The following ULK4 variants were observed in gnomAD, a reference collection of about 807,000 sequenced individuals.
ULK4 encodes the protein inactive serine/threonine-protein kinase ULK4.
Under a neutral mutation model 160.6 loss-of-function variants are expected in ULK4, and 133 were observed. That is an observed-to-expected ratio of 0.83 (90% CI 0.72 to 0.96). ULK4 has a LOEUF of 0.96. Ranked by LOEUF, ULK4 falls within the 40% of genes least tolerant of loss-of-function variation. The pLI is 0.00. For synonymous variants in ULK4, 534 were observed against 539.8 expected (o/e 0.99, Z 0.15); for missense variants, 1,580 against 1,499.5 (o/e 1.05, Z -0.89).
intron 30 of ULK4, among the ~76,000 whole-genome samples, chr3:41,616,015 T>C (rs372065027): frequency 6.6e-6 from 1 of 152,302 alleles, no homozygotes; most frequent in African/African-American, 2.4e-5. Context: ...ACTATCAAAA[T>C]AGGTAATATC....
chr3:41,624,812 C>T (rs1231487588), intron 30 of ULK4, among the ~76,000 whole-genome samples: 2 of 152,064 alleles, frequency 1.3e-5, no homozygotes, highest in Admixed American at 1.3e-4. Flanking sequence ...ACATATGCTG[C>T]GTTTTTTTCT....
chr3:41,712,964 T>TGAG (rs1210359397), intron 25 of ULK4, among the ~76,000 whole-genome samples: 1 of 151,768 alleles, frequency 6.6e-6, no homozygotes, highest in East Asian at 1.9e-4. Context: ...ATGAATGGAC[T>TGAG]ACTTCCCTAT....
At chr3:41,502,778 G>A (rs987010494) in intron 32 of ULK4, among the ~76,000 whole-genome samples, 1 of 152,150 alleles carries the variant, frequency 6.6e-6, no homozygotes, top group African/African-American at 2.4e-5. Flanking sequence ...GTGGTTCCCA[G>A]GAAGTGGGAG....
intron 34 of ULK4, among the ~76,000 whole-genome samples, chr3:41,445,206 G>A (rs1196661983): frequency 7.9e-5 from 12 of 152,098 alleles, no homozygotes; most frequent in African/African-American, 2.2e-4. Flanking sequence ...ACAAACCACT[G>A]CTCAAGGAAA....
chr3:41,380,937 C>T (rs1342543259), intron 35 of ULK4, among the ~76,000 whole-genome samples: 6 of 152,054 alleles, frequency 3.9e-5, no homozygotes, highest in African/African-American at 1.4e-4. Flanking sequence ...TGTCTCATGC[C>T]CCTGAGCTGC....
intron 30 of ULK4, among the ~76,000 whole-genome samples, chr3:41,640,033 G>A (rs1575512639): frequency 1.3e-5 from 2 of 152,186 alleles, no homozygotes; most frequent in East Asian, 3.9e-4. Context: ...GGATATCAAT[G>A]ATTGGATGGC....
At chr3:41,464,953 T>C (rs776945667) in intron 32 of ULK4, among the ~76,000 whole-genome samples, 66 of 152,192 alleles carry the variant, frequency 4.3e-4, no homozygotes, top group Non-Finnish European at 3.1e-4. Context: ...AAATCCCTGC[T>C]GGGACAGAAA....
intron 34 of ULK4, among the ~76,000 whole-genome samples, chr3:41,413,592 T>C (rs531594574): frequency 9.2e-5 from 14 of 152,324 alleles, no homozygotes; most frequent in Non-Finnish European, 1.2e-4. Context: ...AAAAAAGTAT[T>C]CTTTCAAACC....
At chr3:41,650,674 G>A (rs1265356811) in intron 30 of ULK4, among the ~76,000 whole-genome samples, 2 of 152,208 alleles carry the variant, frequency 1.3e-5, no homozygotes, top group East Asian at 1.9e-4. Flanking sequence ...AACACAAGCC[G>A]AGTGCAGCCT....
intron 14 of ULK4, among the ~76,000 whole-genome samples, chr3:41,897,889 C>T (rs894083617): frequency 5.3e-5 from 8 of 152,024 alleles, no homozygotes; most frequent in African/African-American, 1.5e-4. Flanking sequence ...ATTTGTTAAA[C>T]GAAAAAACCA....
intron 32 of ULK4, among the ~76,000 whole-genome samples, chr3:41,495,734 A>G (rs1045540834): frequency 6.6e-6 from 1 of 151,906 alleles, no homozygotes; most frequent in Admixed American, 6.6e-5. Flanking sequence ...ATGTACAAGA[A>G]AAAAACAAAC....
At chr3:41,919,660 G>T (rs1010568345) in intron 6 of ULK4, 57 bp downstream of exon 6, 7 of 1,427,948 alleles carry the variant, frequency 4.9e-6, no homozygotes, top group South Asian at 1.2e-5. Context: ...GCAAAGTACA[G>T]ACTTAACCTG....
chr3:41,305,587 C>T (rs2079894356), intron 35 of ULK4, among the ~76,000 whole-genome samples: 1 of 152,232 alleles, frequency 6.6e-6, no homozygotes, highest in African/African-American at 2.4e-5. Context: ...CACCTCCCAG[C>T]CGCCTGCCTT....
intron 21 of ULK4, among the ~76,000 whole-genome samples, chr3:41,756,889 G>A (rs1003512107): frequency 6.6e-6 from 1 of 152,148 alleles, no homozygotes; most frequent in African/African-American, 2.4e-5. Flanking sequence ...AGAGGCCATG[G>A]GAGGTAGGAA....
intron 32 of ULK4, among the ~76,000 whole-genome samples, chr3:41,491,148 G>A (rs969062316): frequency 1.4e-4 from 22 of 152,026 alleles, no homozygotes; most frequent in African/African-American, 4.8e-4. Context: ...AGAGGCAGAC[G>A]GCCTTAAACA....
At chr3:41,491,699 A>AT (rs869141156) in intron 32 of ULK4, among the ~76,000 whole-genome samples, 4 of 107,924 alleles carry the variant, frequency 3.7e-5, no homozygotes, top group South Asian at 2.5e-4. Context: ...GAATTTTTAT[A>AT]TTTTTTTTTA....
intron 32 of ULK4, among the ~76,000 whole-genome samples, chr3:41,501,063 C>G (rs905497279): frequency 1.3e-5 from 2 of 152,174 alleles, no homozygotes; most frequent in Non-Finnish European, 2.9e-5. Context: ...TACCACTACA[C>G]AGCCACTAGG....
rs1180321781 is a variant in ULK4, at chr3:41,823,044, A to T, written c.1765-3538T>A. ...GCCGAGATTTTTTTTTTAAAGAAGT[A>T]AACAAAGTAAGTCAGTCAAGATAAT... On this transcript the variant is annotated intron_variant, in intron 18 of 36. Transcript: ENST00000301831. Among the ~76,000 whole-genome samples the T allele has an allele frequency of 2.6e-5, 4 of 151,818 alleles. No individual in the cohort carries two copies. In the South Asian group the frequency reaches 8.3e-4, roughly 32 times the overall value.
intron 34 of ULK4, among the ~76,000 whole-genome samples, chr3:41,446,537 T>C (rs2083300288): frequency 6.6e-6 from 1 of 152,024 alleles, no homozygotes; most frequent in Non-Finnish European, 1.5e-5. Flanking sequence ...CATGGAATAC[T>C]ATGCAGCCAT....
Sources: allele counts gnomAD v4.1 joint callset (sites outside exome capture counted in the v4.1 genomes callset), GRCh38; gene constraint gnomAD v4.1.1; transcripts MANE v1.5; gene names NCBI Gene and HGNC (gene_info 2026-07-23, HGNC 2026-07-21).